The following ATE1 variants were observed in gnomAD, a reference collection of about 807,000 sequenced individuals.
ATE1 encodes the protein arginyl-tRNA--protein transferase 1.
A neutral mutation model predicts 70.5 loss-of-function variants in ATE1; 36 were observed. That is an observed-to-expected ratio of 0.51 (90% CI 0.39 to 0.67). ATE1 has a LOEUF of 0.67. ATE1 is among the 30% of genes least tolerant of loss of function. ATE1 has a pLI of 0.00. For synonymous variants in ATE1, 232 were observed against 219.3 expected (o/e 1.06, Z -0.51); for missense variants, 593 against 629.5 (o/e 0.94, Z 0.62).
chr10:121,878,618 A>G (rs1465100909), intron 7 of ATE1, among the ~76,000 whole-genome samples: 1 of 151,990 alleles, frequency 6.6e-6, no homozygotes, highest in Non-Finnish European at 1.5e-5. Context: ...GAAAAGAAAA[A>G]AAAATCAACA....
chr10:121,876,487 G>T (rs979166162), intron 7 of ATE1, among the ~76,000 whole-genome samples: 1 of 151,956 alleles, frequency 6.6e-6, no homozygotes, highest in Admixed American at 6.5e-5. Flanking sequence ...AGAAATGGTG[G>T]CTCTATACTT....
chr10:121,806,230 T>A (rs990290638), intron 10 of ATE1, among the ~76,000 whole-genome samples: 1 of 152,158 alleles, frequency 6.6e-6, no homozygotes, highest in Non-Finnish European at 1.5e-5. Flanking sequence ...GGTGGGTGGA[T>A]GGCTTAAGCT....
intron 7 of ATE1, among the ~76,000 whole-genome samples, chr10:121,896,311 A>C (rs1950777189): frequency 6.6e-6 from 1 of 152,206 alleles, no homozygotes; most frequent in Non-Finnish European, 1.5e-5. Context: ...TACATACTGA[A>C]GGACTTAATT....
intron 10 of ATE1, among the ~76,000 whole-genome samples, chr10:121,806,858 T>C (rs982238456): frequency 6.6e-6 from 1 of 152,216 alleles, no homozygotes; most frequent in African/African-American, 2.4e-5. Flanking sequence ...TCTTTCAAGT[T>C]TTCTGCAGGT....
chr10:121,864,486 G>A (rs1040486340), intron 8 of ATE1, among the ~76,000 whole-genome samples: 3 of 152,244 alleles, frequency 2.0e-5, no homozygotes, highest in Non-Finnish European at 4.4e-5. Flanking sequence ...CCCAGTCTGG[G>A]AACTGGGGAC....
chr10:121,819,497 G>T (rs4520534), intron 10 of ATE1, among the ~76,000 whole-genome samples: 38,611 of 151,580 alleles, frequency 0.25, 5,693 homozygotes, highest in East Asian at 0.53. Context: ...GAGGTCAGGA[G>T]ATCGAGACCA....
chr10:121,774,636 C>A (rs1379899721), intron 11 of ATE1, among the ~76,000 whole-genome samples: 2 of 152,158 alleles, frequency 1.3e-5, no homozygotes, highest in Admixed American at 6.5e-5. Context: ...CTTAAGCAAT[C>A]ATCACACTTC....
rs181919404 is a variant in ATE1, at chr10:121,908,125, G to C, written c.583+2781C>G. Among the ~76,000 whole-genome samples, 7 of 152,288 alleles carry C rather than the reference G, an allele frequency of 4.6e-5. No individual in the cohort carries two copies. In the East Asian group the frequency reaches 1.4e-3, roughly 29 times the overall value. ...AACAGCAGTATGTTCAGATCCATGA[G>C]TTCCCAATGATACCAACAAGAAAAC... On this transcript the variant is annotated intron_variant, in intron 5 of 11. Transcript: ENST00000224652.
At chr10:121,780,445 T>C (rs1945934794) in intron 11 of ATE1, among the ~76,000 whole-genome samples, 1 of 152,212 alleles carries the variant, frequency 6.6e-6, no homozygotes, top group Non-Finnish European at 1.5e-5. Context: ...TGTCAGACCA[T>C]CATCATCTTT....
intron 11 of ATE1, among the ~76,000 whole-genome samples, chr10:121,787,969 T>G (rs4998278): frequency 0.94 from 143,605 of 152,124 alleles, 68,016 homozygotes; most frequent in Non-Finnish European, 0.98. Context: ...AAGGTGAAGC[T>G]ATCGTAAGTT....
intron 7 of ATE1, among the ~76,000 whole-genome samples, chr10:121,894,056 G>A (rs1590652922): frequency 6.7e-6 from 1 of 150,174 alleles, no homozygotes; most frequent in Non-Finnish European, 1.5e-5. Flanking sequence ...AGAATCACTT[G>A]AACCCGGGAG....
chr10:121,797,241 A>G (rs1946693121), intron 10 of ATE1, among the ~76,000 whole-genome samples: 1 of 152,218 alleles, frequency 6.6e-6, no homozygotes, highest in South Asian at 2.1e-4. Context: ...AGAAATCTGA[A>G]TTTTCAAAGG....
At chr10:121,896,017 C>A (rs945420043) in intron 7 of ATE1, among the ~76,000 whole-genome samples, 6 of 151,738 alleles carry the variant, frequency 4.0e-5, no homozygotes, top group African/African-American at 1.4e-4. Flanking sequence ...TTTTTGATGT[C>A]TATATTAATA....
intron 11 of ATE1, among the ~76,000 whole-genome samples, chr10:121,770,233 A>AATACAC (rs377639308): frequency 7.3e-6 from 1 of 136,826 alleles, no homozygotes; most frequent in Admixed American, 7.5e-5. Flanking sequence ...ACAAGAGAGA[A>AATACAC]ACACACACAC....
chr10:121,751,020 A>G (rs567194989), intron 11 of ATE1, among the ~76,000 whole-genome samples: 2 of 152,332 alleles, frequency 1.3e-5, no homozygotes, highest in South Asian at 4.1e-4. Context: ...TTCAGCATAA[A>G]ATAGCAAAAG....
rs1156571749 is a variant in ATE1 at position 121,742,619 on chromosome 10, G to C, written c.*1061C>G. On this transcript the variant is annotated 3_prime_UTR_variant, in exon 12 of 12. Coordinates refer to ENST00000224652, the MANE Select transcript of ATE1 (RefSeq NM_001001976.3). ...TGGGCAAAGGACTCAGCAAAAGAAAGTGAGGGAAGGAGGGGGCTGGCCTCT... is the reference window on the plus strand; with the variant it reads ...TGGGCAAAGGACTCAGCAAAAGAAACTGAGGGAAGGAGGGGGCTGGCCTCT... 6.6e-6 allele frequency: 1 copy of C among 152,346 alleles called. No homozygotes were observed. Among genetic ancestry groups the C allele is most frequent in the Non-Finnish European group, 1.5e-5 (1 of 68,148 alleles). The allele number at this position is 152,346 out of a possible 1,614,324, so 9.4% of individuals were successfully genotyped here.
chr10:121,775,860 T>C (rs1184264847), intron 11 of ATE1, among the ~76,000 whole-genome samples: 2 of 152,200 alleles, frequency 1.3e-5, no homozygotes, highest in Non-Finnish European at 2.9e-5. Flanking sequence ...CAAAGAACTG[T>C]CTCTAGCCAA....
chr10:121,926,146 TTG>T (rs1338194592), intron 1 of ATE1, among the ~76,000 whole-genome samples: 1 of 151,894 alleles, frequency 6.6e-6, no homozygotes. Context: ...GAGGTGGAGG[TTG>T]CAGTGAGCAA....
intron 8 of ATE1, among the ~76,000 whole-genome samples, chr10:121,843,677 A>C (rs557709241): frequency 3.3e-5 from 5 of 152,314 alleles, no homozygotes; most frequent in Non-Finnish European, 7.3e-5. Context: ...GCAATAGAGA[A>C]AGAATACTCT....
Sources: allele counts gnomAD v4.1 joint callset (sites outside exome capture counted in the v4.1 genomes callset), GRCh38; gene constraint gnomAD v4.1.1; transcripts MANE v1.5; gene names NCBI Gene and HGNC (gene_info 2026-07-23, HGNC 2026-07-21).